The following ZDHHC16 variants were observed in gnomAD, a reference collection of about 807,000 sequenced individuals.
The protein encoded by ZDHHC16 is palmitoyltransferase ZDHHC16.
Under a neutral mutation model 54.4 loss-of-function variants are expected in ZDHHC16, and 33 were observed. That is an observed-to-expected ratio of 0.61 (90% CI 0.46 to 0.81). The LOEUF (loss-of-function observed/expected upper bound fraction) is 0.81. ZDHHC16 is among the 30% of genes least tolerant of loss of function. ZDHHC16 has a pLI of 0.00. For synonymous variants in ZDHHC16, 185 were observed against 182.1 expected, an observed-to-expected ratio of 1.02 and a Z score of -0.13; for missense variants, 420 against 485.9, an observed-to-expected ratio of 0.86 and a Z score of 1.28.
chr10:97,448,556 A>G (rs1333036109), intron 1 of ZDHHC16, among the ~76,000 whole-genome samples: 3 of 152,200 alleles, frequency 2.0e-5, no homozygotes. Context: ...CAGGAGTTCA[A>G]GACCAGCCTG....
At chr10:97,455,891 G>C in intron 10 of ZDHHC16, 83 bp from the exon 11 acceptor site, 2 of 1,606,448 alleles carry the variant, frequency 1.2e-6, no homozygotes, top group Non-Finnish European at 1.7e-6. Flanking sequence ...TAAAAGGCCA[G>C]AACTACTCTA....
chr10:97,455,512 TA>T, intron 9 of ZDHHC16, 147 bp from the exon 10 acceptor site: 1 of 1,351,464 alleles, frequency 7.4e-7, no homozygotes, highest in Non-Finnish European at 1.0e-6. Flanking sequence ...CATAGTGAAG[TA>T]AAAGTTTATC....
intron 6 of ZDHHC16, 47 bp from the exon 7 acceptor site, chr10:97,453,483 C>G: frequency 6.3e-7 from 1 of 1,599,696 alleles, no homozygotes; most frequent in Non-Finnish European, 8.5e-7. Flanking sequence ...GCCTGGACAC[C>G]GCCTGAAATT....
At chr10:97,452,964 C>T in intron 6 of ZDHHC16, 41 bp downstream of exon 6, 1 of 1,613,874 alleles carries the variant, frequency 6.2e-7, no homozygotes, top group South Asian at 1.1e-5. Context: ...CCTTCTTTAG[C>T]TCCAGAGCAC....
rs1261824896 is a variant in ZDHHC16 at position 97,452,877 on chromosome 10, T to G, written c.528-18T>G. 1.2e-6 allele frequency: 2 copies of G among 1,614,226 alleles called. No homozygotes were observed. Among genetic ancestry groups the G allele is most frequent in the Non-Finnish European group, 1.7e-6 (2 of 1,180,036 alleles). On this transcript the variant is annotated intron_variant, in intron 5 of 11. Coordinates refer to ENST00000393760, the MANE Select transcript of ZDHHC16 (RefSeq NM_198046.3). Reference sequence around the variant, plus strand: ...GAACTTTGGCCACCGTAACAGAGCCTGTGTCCCTTCCTCACAGGTGTGTGC... The same window carrying G: ...GAACTTTGGCCACCGTAACAGAGCCGGTGTCCCTTCCTCACAGGTGTGTGC...
intron 1 of ZDHHC16, among the ~76,000 whole-genome samples, chr10:97,449,244 TAGAAG>T (rs1180337431): frequency 6.6e-6 from 1 of 151,142 alleles, no homozygotes; most frequent in African/African-American, 2.4e-5. Flanking sequence ...TTTTTAAGAC[TAGAAG>T]AGGTGTGAGG....
rs1846751844 is a variant in ZDHHC16 at position 97,452,617 on chromosome 10, G to A, written c.527+114G>A. 2.5e-6 allele frequency: 3 copies of A among 1,179,464 alleles called. No individual in the cohort carries two copies. The African/African-American group carries it at 4.6e-5, about 18-fold the overall frequency. The allele number at this position is 1,179,464 out of a possible 1,614,324, so 73.1% of individuals were successfully genotyped here. On this transcript the variant is annotated intron_variant, in intron 5 of 11. Transcript: ENST00000393760. The stretch of plus-strand genomic sequence containing the variant: ...GGGTGAATCACCCATCGTGTCCCAG[G>A]TGATGTGCCCTCTTCTCCTGACACC...
chr10:97,451,610 C>T, intron 2 of ZDHHC16, 61 bp from the exon 3 acceptor site: 1 of 1,554,844 alleles, frequency 6.4e-7, no homozygotes, highest in Non-Finnish European at 8.7e-7. Context: ...CTAGGCCTTC[C>T]CACTAGCGGG....
chr10:97,449,498 T>C (rs1042099798), intron 1 of ZDHHC16, among the ~76,000 whole-genome samples: 2 of 152,154 alleles, frequency 1.3e-5, no homozygotes, highest in African/African-American at 4.8e-5. Context: ...CAAATCATGC[T>C]TCCAAACAAT....
intron 8 of ZDHHC16, 132 bp downstream of exon 8, chr10:97,453,978 G>A: frequency 8.2e-7 from 1 of 1,217,794 alleles, no homozygotes; most frequent in Non-Finnish European, 1.2e-6. Flanking sequence ...GATCAGGAGT[G>A]TTCAGGCAGG....
chr10:97,449,435 A>T (rs1332233138), intron 1 of ZDHHC16, among the ~76,000 whole-genome samples: 1 of 152,104 alleles, frequency 6.6e-6, no homozygotes, highest in East Asian at 1.9e-4. Flanking sequence ...GTTTTGTCCC[A>T]CTCTTACATT....
chr10:97,456,597 C>T (rs1847256989), intron 11 of ZDHHC16, among the ~76,000 whole-genome samples, 180 bp from the exon 12 acceptor site: 1 of 152,136 alleles, frequency 6.6e-6, no homozygotes, highest in South Asian at 2.1e-4. Context: ...AAAAGGCCTT[C>T]AAAGGACCAA....
intron 1 of ZDHHC16, among the ~76,000 whole-genome samples, chr10:97,449,025 C>T (rs982772477): frequency 3.9e-5 from 6 of 152,096 alleles, no homozygotes; most frequent in Non-Finnish European, 8.8e-5. Context: ...AGCATTTAAT[C>T]CTACTCCCTC....
At chr10:97,452,691 A>C in intron 5 of ZDHHC16, 188 bp downstream of exon 5, 1 of 930,224 alleles carries the variant, frequency 1.1e-6, no homozygotes, top group Non-Finnish European at 1.6e-6. Context: ...CACTTGTGAA[A>C]ACCGAGGTTT....
Position 97,456,249 on chromosome 10 carries a change from G to A in ZDHHC16, c.1019+205G>A, listed in dbSNP as rs1471351071. ...TTTAAGTAACAGATGAGGCTTCAACGTGACTACAGTGGAATCCTAGGAAAG... is the reference window on the plus strand; with the variant it reads ...TTTAAGTAACAGATGAGGCTTCAACATGACTACAGTGGAATCCTAGGAAAG... On this transcript the variant is annotated intron_variant, in intron 11 of 11. Transcript: ENST00000393760. The A allele has an allele frequency of 7.3e-6, 4 of 546,250 alleles. No homozygotes were observed. The East Asian group carries it at 9.0e-5, about 12-fold the overall frequency. 33.8% of individuals were successfully genotyped at this position (546,250 alleles called of 1,614,324 possible).
intron 6 of ZDHHC16, 149 bp from the exon 7 acceptor site, chr10:97,453,381 C>G: frequency 8.8e-7 from 1 of 1,134,388 alleles, no homozygotes; most frequent in Non-Finnish European, 1.3e-6. Context: ...TGTGAACAGT[C>G]TTGTATTTTC....
At chr10:97,448,221 G>A (rs1316590259) in intron 1 of ZDHHC16, 2 of 152,324 alleles carry the variant, frequency 1.3e-5, no homozygotes, top group East Asian at 1.9e-4. Flanking sequence ...CTTATTTAGT[G>A]TTACCACATT....
At position 97,452,589 on chromosome 10, in the gene ZDHHC16, C is replaced by T. The variant is rs575488668; in HGVS notation, c.527+86C>T. On this transcript the variant is annotated intron_variant, in intron 5 of 11. Transcript: ENST00000393760. Reference sequence around the variant, plus strand: ...AAACCTAACCTTGAGTTTGCTAAGACATGGGTGAATCACCCATCGTGTCCC... The same window carrying T: ...AAACCTAACCTTGAGTTTGCTAAGATATGGGTGAATCACCCATCGTGTCCC... 114 of 1,407,602 alleles carry T rather than the reference C, an allele frequency of 8.1e-5. 1 individual carries two copies. In the South Asian group the frequency reaches 1.3e-3, roughly 16 times the overall value. The allele number at this position is 1,407,602 out of a possible 1,614,324, so 87.2% of individuals were successfully genotyped here.
rs965887842 is a variant in ZDHHC16 at position 97,456,898 on chromosome 10, C to T, written c.*7C>T. On this transcript the variant is annotated 3_prime_UTR_variant, in exon 12 of 12. Transcript: ENST00000393760. ...CTCTGTGATGGCAGTGTGAGCTGGA[C>T]TGTGTCAGCCACGACTCGAGCACTC... 18 of 1,598,208 alleles carry T rather than the reference C, an allele frequency of 1.1e-5. No individual in the cohort carries two copies. Among genetic ancestry groups the T allele is most frequent in the Admixed American group, 3.4e-5 (2 of 58,816 alleles).
Sources: allele counts gnomAD v4.1 joint callset (sites outside exome capture counted in the v4.1 genomes callset), GRCh38; gene constraint gnomAD v4.1.1; transcripts MANE v1.5; gene names NCBI Gene and HGNC (gene_info 2026-07-23, HGNC 2026-07-21).